The following FBXL17 variants were observed in gnomAD, a reference collection of about 807,000 sequenced individuals.
FBXL17 encodes F-box and leucine rich repeat protein 17.
A neutral mutation model predicts 66.2 loss-of-function variants in FBXL17; 22 were observed. The ratio of observed to expected loss-of-function variants is 0.33; its 90% CI spans 0.24 to 0.47. The LOEUF (loss-of-function observed/expected upper bound fraction) is 0.47, where lower values mean the gene tolerates loss of function less well. Ranked by LOEUF, FBXL17 falls within the 20% of genes least tolerant of loss-of-function variation. The pLI, the probability that FBXL17 is intolerant of heterozygous loss-of-function variation, is 1.00. For synonymous variants in FBXL17, 474 were observed against 400.5 expected (o/e 1.18, Z -2.19); for missense variants, 878 against 948.2 (o/e 0.93, Z 0.97).
intron 7 of FBXL17, among the ~76,000 whole-genome samples, chr5:107,898,385 C>T (rs1749453282): frequency 6.6e-6 from 1 of 151,976 alleles, no homozygotes; most frequent in Non-Finnish European, 1.5e-5. Context: ...AAAGACCAGC[C>T]CCTCCTTGTA....
intron 6 of FBXL17, among the ~76,000 whole-genome samples, chr5:108,180,294 T>G (rs1443149235): frequency 2.0e-5 from 3 of 152,074 alleles, no homozygotes; most frequent in Admixed American, 6.6e-5. Context: ...GCAGATAACT[T>G]GAGGTCAGGA....
chr5:108,100,974 T>A (rs979038667), intron 6 of FBXL17, among the ~76,000 whole-genome samples: 4 of 152,044 alleles, frequency 2.6e-5, no homozygotes, highest in East Asian at 1.9e-4. Context: ...CAAAAAAAAA[T>A]TTGTGATTAC....
At chr5:108,198,276 T>C (rs139419122) in intron 5 of FBXL17, among the ~76,000 whole-genome samples, 12 of 152,130 alleles carry the variant, frequency 7.9e-5, no homozygotes, top group African/African-American at 2.9e-4. Context: ...TGATAAAAAA[T>C]TCCAAAATGT....
Position 108,216,133 on chromosome 5 carries a change from C to T in FBXL17, c.1614+7988G>A, listed in dbSNP as rs144593954. Among the ~76,000 whole-genome samples the T allele has an allele frequency of 3.5e-3, 537 of 151,990 alleles. 1 individual carries two copies. Among genetic ancestry groups the T allele is most frequent in the Non-Finnish European group, 6.6e-3 (447 of 67,956 alleles). ...GTTTTAAAATTGGGACATATGAGTC[C>T]TCCAACACTGTTTTTCTTTTTTTGA... On this transcript the variant is annotated intron_variant, in intron 5 of 8. Transcript: ENST00000542267.
chr5:108,053,029 C>T lies in FBXL17; in HGVS notation c.1746-32028G>A, dbSNP rs185478002. On this transcript the variant is annotated intron_variant, in intron 6 of 8. Coordinates refer to ENST00000542267, the MANE Select transcript of FBXL17 (RefSeq NM_001163315.3). The stretch of plus-strand genomic sequence containing the variant: ...ACTGAAACTGGACCCCTTCCTTACA[C>T]GTTACATAAAAATTAACTCAAGATG... Among the ~76,000 whole-genome samples the T allele has an allele frequency of 1.1e-3, 174 of 152,264 alleles. 1 individual carries two copies. Among genetic ancestry groups the T allele is most frequent in the African/African-American group, 4.0e-3 (167 of 41,552 alleles).
intron 4 of FBXL17, among the ~76,000 whole-genome samples, chr5:108,319,961 T>C (rs1759541781): frequency 6.6e-6 from 1 of 151,716 alleles, no homozygotes; most frequent in Non-Finnish European, 1.5e-5. Flanking sequence ...CGAATATTAC[T>C]TACACATCAT....
At chr5:108,084,946 T>C (rs1279411820) in intron 6 of FBXL17, among the ~76,000 whole-genome samples, 2 of 152,236 alleles carry the variant, frequency 1.3e-5, no homozygotes, top group Non-Finnish European at 2.9e-5. Context: ...TTTTCTTTTC[T>C]CTTTGGAGTT....
chr5:107,876,502 C>G (rs1748618264), intron 8 of FBXL17, among the ~76,000 whole-genome samples: 1 of 152,168 alleles, frequency 6.6e-6, no homozygotes, highest in Non-Finnish European at 1.5e-5. Flanking sequence ...CATCTCCAAA[C>G]TTCTGTATTA....
rs1405980023 is a variant in FBXL17, at chr5:108,009,290, TATATATATATAC to T, written c.1822+11623_1822+11634del. Among the ~76,000 whole-genome samples the T allele has an allele frequency of 2.4e-4, 13 of 54,696 alleles. 4 individuals carry two copies. The highest frequency in any genetic ancestry group is 3.3e-4 in the African/African-American group (3 of 8,976). 35.9% of individuals were successfully genotyped at this position (54,696 alleles called of 152,430 possible). On this transcript the variant is annotated intron_variant, in intron 7 of 8. Coordinates refer to ENST00000542267, the MANE Select transcript of FBXL17 (RefSeq NM_001163315.3). ...ATATATATATATATATATATATATATATATATATATACATATATACATACACATATAGTTTTG... is the reference window on the plus strand; with the variant it reads ...ATATATATATATATATATATATATATATATATACATACACATATAGTTTTG...
intron 7 of FBXL17, among the ~76,000 whole-genome samples, chr5:107,927,379 C>G (rs1019363083): frequency 6.6e-6 from 1 of 152,088 alleles, no homozygotes; most frequent in Non-Finnish European, 1.5e-5. Flanking sequence ...AGTTACTTTC[C>G]TAAAGAAGTG....
chr5:108,126,124 A>T (rs2149970365), intron 6 of FBXL17, among the ~76,000 whole-genome samples: 1 of 152,300 alleles, frequency 6.6e-6, no homozygotes, highest in Admixed American at 6.5e-5. Context: ...GGCCAGCTGT[A>T]GACTAGAGAT....
At chr5:108,244,370 T>C (rs962416330) in intron 4 of FBXL17, among the ~76,000 whole-genome samples, 17 of 152,162 alleles carry the variant, frequency 1.1e-4, no homozygotes, top group Non-Finnish European at 2.5e-4. Context: ...CTGGAATGTG[T>C]GTCTAGGTTG....
chr5:108,071,814 T>G (rs17160916), intron 6 of FBXL17, among the ~76,000 whole-genome samples: 1 of 152,256 alleles, frequency 6.6e-6, no homozygotes, highest in African/African-American at 2.4e-5. Context: ...TGGTATGTTA[T>G]TGGTATGTTA....
intron 4 of FBXL17, among the ~76,000 whole-genome samples, chr5:108,301,289 A>G (rs927800997): frequency 6.6e-6 from 1 of 151,846 alleles, no homozygotes; most frequent in Non-Finnish European, 1.5e-5. Context: ...GATGAATTCA[A>G]GAGCTTTAAA....
At chr5:108,042,668 G>C (rs1288227813) in intron 6 of FBXL17, among the ~76,000 whole-genome samples, 1 of 152,110 alleles carries the variant, frequency 6.6e-6, no homozygotes, top group Non-Finnish European at 1.5e-5. Flanking sequence ...ACTTATTAAA[G>C]GACAGTTATT....
At chr5:107,867,028 A>G (rs1044275249) in intron 8 of FBXL17, among the ~76,000 whole-genome samples, 8 of 152,310 alleles carry the variant, frequency 5.3e-5, no homozygotes, top group African/African-American at 1.7e-4. Flanking sequence ...TGTTCAATGA[A>G]TATTTATTGA....
At chr5:108,190,373 T>C (rs989023751) in intron 5 of FBXL17, among the ~76,000 whole-genome samples, 6 of 151,960 alleles carry the variant, frequency 3.9e-5, no homozygotes, top group African/African-American at 7.3e-5. Flanking sequence ...GAAAGAGAAA[T>C]AGAGAGAGAC....
At chr5:107,931,264 T>A (rs947731919) in intron 7 of FBXL17, among the ~76,000 whole-genome samples, 2 of 151,424 alleles carry the variant, frequency 1.3e-5, no homozygotes, top group African/African-American at 4.9e-5. Flanking sequence ...AGAATTTTTT[T>A]TTTTTTTTTT....
chr5:108,298,523 TG>T, intron 4 of FBXL17: 10 of 974,666 alleles, frequency 1.0e-5, no homozygotes, highest in Non-Finnish European at 1.2e-5. Flanking sequence ...TCCACTAACT[TG>T]CCTAATGATG....
Sources: allele counts gnomAD v4.1 joint callset (sites outside exome capture counted in the v4.1 genomes callset), GRCh38; gene constraint gnomAD v4.1.1; transcripts MANE v1.5; gene names NCBI Gene and HGNC (gene_info 2026-07-23, HGNC 2026-07-21).